The following NCOR2 variants were observed in gnomAD, a reference collection of about 807,000 sequenced individuals.
The protein encoded by NCOR2 is nuclear receptor corepressor 2.
A neutral mutation model predicts 262.9 loss-of-function variants in NCOR2; 81 were observed. The ratio of observed to expected loss-of-function variants is 0.31; its 90% CI spans 0.26 to 0.37. NCOR2 has a LOEUF of 0.37. Among genes scored for constraint, NCOR2 ranks in the 10% least tolerant of loss-of-function variants. The pLI, the probability that NCOR2 is intolerant of heterozygous loss-of-function variation, is 1.00. For missense variants in NCOR2, 3,385 were observed against 3,621.4 expected, an observed-to-expected ratio of 0.93 and a Z score of 1.68; for synonymous variants, 1,659 against 1,559.3, an observed-to-expected ratio of 1.06 and a Z score of -1.51.
intron 27 of NCOR2, among the ~76,000 whole-genome samples, chr12:124,351,247 G>A (rs375509005): frequency 2.0e-4 from 31 of 152,314 alleles, no homozygotes; most frequent in African/African-American, 6.0e-4. Flanking sequence ...TGCTGTACCC[G>A]TGACCACGTC....
rs150542252 is a variant in NCOR2, at chr12:124,526,740, C to T, written c.-118+8825G>A. On this transcript the variant is annotated intron_variant, in intron 1 of 46. Coordinates refer to the NCOR2 transcript ENST00000404621. ...GGTGCACACAGCTCCCTGCGCTTCT[C>T]GGAGAGGACAGGCAGCCCCTTCCAC... 1.9e-4 allele frequency among the ~76,000 whole-genome samples: 29 copies of T among 152,252 alleles called. No individual in the cohort carries two copies. In the South Asian group the frequency reaches 5.6e-3, roughly 29 times the overall value.
chr12:124,497,845 C>T (rs867590962), upstream of NCOR2, among the ~76,000 whole-genome samples: 1 of 152,210 alleles, frequency 6.6e-6, no homozygotes, highest in African/African-American at 2.4e-5. This position sits in a 1 kb window ranked among gnomAD's most constrained non-coding sequence, Gnocchi z 4.2. Context: ...GGAGGCAAGG[C>T]ACAGCTAGCC....
chr12:124,400,965 G>A (rs899862342), intron 14 of NCOR2, among the ~76,000 whole-genome samples: 3 of 152,210 alleles, frequency 2.0e-5, no homozygotes, highest in Non-Finnish European at 4.4e-5. Flanking sequence ...AGCACTTTGG[G>A]AGGCCGAAGT....
chr12:124,335,454 C>G, intron 39 of NCOR2, 29 bp downstream of exon 41: 1 of 1,592,568 alleles, frequency 6.3e-7, no homozygotes, highest in Non-Finnish European at 8.5e-7. Context: ...TGCAGGGCTT[C>G]GGGGGCCTGG....
Position 124,440,680 on chromosome 12 carries a change from T to G in NCOR2, c.816-2684A>C, listed in dbSNP as rs2044754041. On this transcript the variant is annotated intron_variant, in intron 7 of 46. Coordinates refer to ENST00000405201, the Ensembl canonical transcript of NCOR2. The surrounding 1 kb of genome is among the most constrained non-coding windows in gnomAD (Gnocchi z 5.7). Reference sequence around the variant, plus strand: ...TTGAGGGCTCTCACAGAGGTGACACTGACAATAAGCAAGATGACCAAGATA... The same window carrying G: ...TTGAGGGCTCTCACAGAGGTGACACGGACAATAAGCAAGATGACCAAGATA... Among the ~76,000 whole-genome samples, 1 of 152,176 alleles carries G rather than the reference T, an allele frequency of 6.6e-6. No individual in the cohort carries two copies. The highest frequency in any genetic ancestry group is 1.5e-5 in the Non-Finnish European group (1 of 68,032).
intron 38 of NCOR2, 34 bp from the exon 41 acceptor site, chr12:124,335,666 G>A (rs759651136): frequency 3.2e-5 from 50 of 1,569,326 alleles, no homozygotes; most frequent in South Asian, 2.2e-4. Flanking sequence ...GTCAGGCACC[G>A]GGCCCAGGGT....
intron 6 of NCOR2, among the ~76,000 whole-genome samples, chr12:124,452,388 CAGAT>C (rs966160940): frequency 3.9e-5 from 6 of 152,338 alleles, no homozygotes; most frequent in South Asian, 2.1e-4. Context: ...GTTTTGGAAA[CAGAT>C]AGGCCCCAAT....
At chr12:124,420,281 T>C (rs1278048781) in intron 12 of NCOR2, among the ~76,000 whole-genome samples, 3 of 152,200 alleles carry the variant, frequency 2.0e-5, no homozygotes, top group Admixed American at 6.5e-5. Context: ...AGTTAATACA[T>C]AGGTAAAGTA....
intron 19 of NCOR2, 36 bp from the exon 22 acceptor site, chr12:124,372,646 G>C (rs575176670): frequency 1.3e-6 from 2 of 1,558,882 alleles, no homozygotes; most frequent in South Asian, 2.2e-5. Flanking sequence ...GATGAGCAGG[G>C]TCTGGCGGGG....
intron 1 of NCOR2, among the ~76,000 whole-genome samples, chr12:124,494,618 C>A (rs1417426850): frequency 6.6e-6 from 1 of 152,178 alleles, no homozygotes; most frequent in African/African-American, 2.4e-5. Flanking sequence ...AAAGACACAG[C>A]CAGCACCCTG....
chr12:124,384,544 C>G (rs986680881), intron 17 of NCOR2, among the ~76,000 whole-genome samples: 1 of 152,176 alleles, frequency 6.6e-6, no homozygotes, highest in South Asian at 2.1e-4. Context: ...GAGCCACCAG[C>G]GGCCGCGCGC....
At chr12:124,511,929 T>A (rs2049416047) in intron 1 of NCOR2, among the ~76,000 whole-genome samples, 1 of 152,198 alleles carries the variant, frequency 6.6e-6, no homozygotes, top group Admixed American at 6.5e-5. Flanking sequence ...TTTTTATTTT[T>A]TTATTATTTT....
chr12:124,526,198 C>T (rs1593979766), intron 1 of NCOR2, among the ~76,000 whole-genome samples: 1 of 152,192 alleles, frequency 6.6e-6, no homozygotes, highest in Non-Finnish European at 1.5e-5. Context: ...CATGGACACA[C>T]ACAATTCTTC....
chr12:124,430,525 G>A (rs1200638555), intron 9 of NCOR2, 90 bp downstream of exon 11: 1 of 1,482,378 alleles, frequency 6.7e-7, no homozygotes, highest in Non-Finnish European at 9.0e-7. Context: ...GTGCTGTTCT[G>A]TTCCTTCCTG....
chr12:124,416,747 A>AACCCGCGGCACAGGGAGT (rs2042893226), intron 13 of NCOR2, among the ~76,000 whole-genome samples: 1 of 137,198 alleles, frequency 7.3e-6, no homozygotes, highest in Admixed American at 7.3e-5. Flanking sequence ...GCACAGATAG[A>AACCCGCGGCACAGGGAGT]CCCCGCGGCA....
chr12:124,428,086 T>TGTGTGC (rs958627720), intron 10 of NCOR2, among the ~76,000 whole-genome samples: 5 of 147,160 alleles, frequency 3.4e-5, no homozygotes, highest in Non-Finnish European at 7.5e-5. Context: ...TGTGTGTGTG[T>TGTGTGC]GTACATGCAA....
intron 20 of NCOR2, among the ~76,000 whole-genome samples, chr12:124,367,082 C>T (rs996942369): frequency 1.3e-5 from 2 of 152,116 alleles, no homozygotes; most frequent in African/African-American, 4.8e-5. Flanking sequence ...TTATAACACA[C>T]ACAAAACATG....
At chr12:124,496,866 C>A (rs2048407939), upstream of NCOR2, among the ~76,000 whole-genome samples, 1 of 152,138 alleles carries the variant, frequency 6.6e-6, no homozygotes, top group Admixed American at 6.5e-5. The surrounding 1 kb of genome is among the most constrained non-coding windows in gnomAD (Gnocchi z 4.4). Flanking sequence ...TGCCTTGAGA[C>A]TTTTGCTGCT....
chr12:124,345,082 G>T, intron 31 of NCOR2, 131 bp from the exon 34 acceptor site: 1 of 815,250 alleles, frequency 1.2e-6, no homozygotes, highest in Non-Finnish European at 1.9e-6. Context: ...CCAGAGGCAG[G>T]GAGACAGAGG....
Sources: gnomAD v4.1 joint callset for allele counts (sites outside exome capture counted in the v4.1 genomes callset) on GRCh38, gnomAD v4.1.1 for gene constraint, Gnocchi (gnomAD v3.1) non-coding constraint, MANE v1.5 for transcripts, NCBI Gene and HGNC (gene_info 2026-07-23, HGNC 2026-07-21) for gene names.